Variants in ASRGL1 observed in about 807,000 individuals in gnomAD.
ASRGL1 encodes the protein isoaspartyl peptidase/L-asparaginase.
ASRGL1 carries 16 observed loss-of-function variants against 22.4 expected under a neutral mutation model. The observed-to-expected ratio is 0.71, with a 90% CI of 0.48 to 1.08. The LOEUF (loss-of-function observed/expected upper bound fraction) is 1.08. Ranked by LOEUF, ASRGL1 falls within the 50% of genes least tolerant of loss-of-function variation. ASRGL1 has a pLI of 0.00. For synonymous variants in ASRGL1, 165 were observed against 159.3 expected (o/e 1.04, Z -0.27); for missense variants, 412 against 410.1 (o/e 1.00, Z -0.04).
intron 4 of ASRGL1, among the ~76,000 whole-genome samples, chr11:62,385,542 T>C (rs565641742): frequency 6.6e-6 from 1 of 152,336 alleles, no homozygotes; most frequent in Admixed American, 6.5e-5. Flanking sequence ...TGTTTTTATT[T>C]TGCTTTTGCT....
chr11:62,343,990 G>A (rs895256704), intron 2 of ASRGL1, among the ~76,000 whole-genome samples: 4 of 142,802 alleles, frequency 2.8e-5, no homozygotes, highest in Non-Finnish European at 6.0e-5. Context: ...GAGAAATGGC[G>A]CGATCTCAGC....
At chr11:62,344,993 T>C (rs554965182) in intron 2 of ASRGL1, among the ~76,000 whole-genome samples, 1 of 152,326 alleles carries the variant, frequency 6.6e-6, no homozygotes, top group African/African-American at 2.4e-5. Context: ...GTGCCTGACT[T>C]ATTTCACTTA....
chr11:62,379,055 C>T (rs1202580820), intron 4 of ASRGL1, among the ~76,000 whole-genome samples: 1 of 152,062 alleles, frequency 6.6e-6, no homozygotes, highest in East Asian at 1.9e-4. Flanking sequence ...TTTCTGCACC[C>T]CATTGTTGTA....
intron 4 of ASRGL1, among the ~76,000 whole-genome samples, chr11:62,384,221 A>G (rs1373859107): frequency 6.6e-6 from 1 of 151,958 alleles, no homozygotes; most frequent in Non-Finnish European, 1.5e-5. Context: ...AAACAAAAAA[A>G]AGTCCGGGCG....
At chr11:62,388,134 A>G (rs1947256851) in intron 4 of ASRGL1, among the ~76,000 whole-genome samples, 3 of 152,212 alleles carry the variant, frequency 2.0e-5, no homozygotes, top group Admixed American at 2.0e-4. Context: ...CAGTTGTCAC[A>G]CAATGGTAAG....
intron 2 of ASRGL1, among the ~76,000 whole-genome samples, chr11:62,355,508 G>A (rs1801010636): frequency 6.6e-6 from 1 of 152,082 alleles, no homozygotes; most frequent in South Asian, 2.1e-4. Context: ...ACAGGCATAA[G>A]CCGCTGTGCC....
chr11:62,376,500 C>T (rs1269390186), intron 4 of ASRGL1, among the ~76,000 whole-genome samples: 4 of 152,180 alleles, frequency 2.6e-5, no homozygotes, highest in Middle Eastern at 3.2e-3. Context: ...TGTCTTTCCA[C>T]CAAATCAGTT....
chr11:62,387,942 G>C (rs1311146555), intron 4 of ASRGL1, among the ~76,000 whole-genome samples: 1 of 152,236 alleles, frequency 6.6e-6, no homozygotes, highest in Non-Finnish European at 1.5e-5. Context: ...TCTCATGACA[G>C]GACAAGAAAT....
chr11:62,362,916 TTTTTTTTTTTTTTTTTTTTTG>T (rs1946516971), intron 4 of ASRGL1, among the ~76,000 whole-genome samples: 3 of 50,490 alleles, frequency 5.9e-5, no homozygotes, highest in African/African-American at 2.3e-4. Flanking sequence ...TTTTTTTTTT[TTTTTTTTTTTTTTTTTTTTTG>T]AGACAGAGTC....
At chr11:62,363,137 G>A (rs1374458875) in intron 4 of ASRGL1, among the ~76,000 whole-genome samples, 10 of 151,266 alleles carry the variant, frequency 6.6e-5, no homozygotes, top group Admixed American at 3.3e-4. Context: ...GTTTCACCAT[G>A]TTAGCCAGGA....
Position 62,363,489 on chromosome 11 carries a change from G to T in ASRGL1, c.491+6345G>T, listed in dbSNP as rs531757527. Among the ~76,000 whole-genome samples the T allele has an allele frequency of 2.2e-3, 342 of 152,128 alleles. 3 individuals carry two copies. Among genetic ancestry groups the T allele is most frequent in the Admixed American group, 5.0e-3 (77 of 15,274 alleles). Reference sequence around the variant, plus strand: ...AATTGAATAACATTCTCCTGTTTTTGATTTTCTTCAGAATATACCAGCATC... The same window carrying T: ...AATTGAATAACATTCTCCTGTTTTTTATTTTCTTCAGAATATACCAGCATC... On this transcript the variant is annotated intron_variant, in intron 4 of 6. Transcript: ENST00000415229.
chr11:62,372,513 AG>A, intron 4 of ASRGL1: 1 of 1,103,480 alleles, frequency 9.1e-7, no homozygotes, highest in East Asian at 2.4e-5. Context: ...CACAGCAGAT[AG>A]AGTATGACTG....
intron 5 of ASRGL1, among the ~76,000 whole-genome samples, chr11:62,390,628 G>C (rs766666959): frequency 2.6e-5 from 4 of 152,178 alleles, no homozygotes; most frequent in Admixed American, 6.5e-5. Context: ...AAGCTTATAA[G>C]AAAAAGTAAA....
chr11:62,394,225 T>A (rs2134711946), downstream of ASRGL1, among the ~76,000 whole-genome samples: 1 of 140,186 alleles, frequency 7.1e-6, no homozygotes, highest in African/African-American at 2.6e-5. Flanking sequence ...TAATATTATA[T>A]ATTTTATGTA....
At chr11:62,391,673 A>G (rs774443672) in intron 6 of ASRGL1, 41 bp downstream of exon 6, 1 of 1,549,118 alleles carries the variant, frequency 6.5e-7, no homozygotes, top group Middle Eastern at 1.7e-4. Context: ...TTGTGAAGAT[A>G]AGTGCATAGA....
chr11:62,337,885 C>G lies in ASRGL1; in HGVS notation c.-88-5C>G. ...CAGAACAGAGACTGGGCATTGTCCC[C>G]ACAGGGTCTCCCGAGGACCTTGTAC... is the stretch of plus-strand genomic sequence containing the variant. On this transcript the variant is annotated splice_region_variant and splice_polypyrimidine_tract_variant and intron_variant, in intron 1 of 6. Coordinates refer to ENST00000415229, the MANE Select transcript of ASRGL1 (RefSeq NM_001083926.2). 7.3e-7 allele frequency: 1 copy of G among 1,366,774 alleles called. No individual in the cohort carries two copies. The highest frequency in any genetic ancestry group is 9.9e-7 in the Non-Finnish European group (1 of 1,007,248). The allele number at this position is 1,366,774 out of a possible 1,614,324, so 84.7% of individuals were successfully genotyped here.
intron 2 of ASRGL1, among the ~76,000 whole-genome samples, chr11:62,350,820 C>T (rs1946150746): frequency 1.3e-5 from 2 of 152,158 alleles, no homozygotes; most frequent in Middle Eastern, 3.4e-3. Context: ...AAATTATCCA[C>T]TTTGCCTATA....
At chr11:62,371,278 A>G (rs1946755352) in intron 4 of ASRGL1, 6 of 468,046 alleles carry the variant, frequency 1.3e-5, no homozygotes, top group Admixed American at 6.5e-5. Flanking sequence ...CAGTGGTGGC[A>G]GCAGCAGCAG....
At chr11:62,350,031 C>T (rs899471035) in intron 2 of ASRGL1, among the ~76,000 whole-genome samples, 5 of 152,140 alleles carry the variant, frequency 3.3e-5, no homozygotes, top group African/African-American at 9.7e-5. Flanking sequence ...AAGGTCTTTA[C>T]GACCTGTATC....
Sources: gnomAD v4.1 joint callset for allele counts (sites outside exome capture counted in the v4.1 genomes callset) on GRCh38, gnomAD v4.1.1 for gene constraint, MANE v1.5 for transcripts, NCBI Gene and HGNC (gene_info 2026-07-23, HGNC 2026-07-21) for gene names.